Variants in ANKFN1 observed in about 807,000 individuals in gnomAD.
ANKFN1 encodes the protein ankyrin repeat and fibronectin type III domain containing 1, also known as ankyrin repeat and fibronectin type-III domain-containing protein 1.
ANKFN1 carries 74 observed loss-of-function variants against 108.7 expected under a neutral mutation model. That is an observed-to-expected ratio of 0.68 (90% CI 0.56 to 0.83). The LOEUF is 0.83. ANKFN1 is among the 40% of genes least tolerant of loss of function. The probability of loss-of-function intolerance (pLI) is 0.00; values close to 1 mark genes in which losing one functional copy is unlikely to be tolerated. For missense variants in ANKFN1, 1,505 were observed against 1,382.3 expected (o/e 1.09, Z -1.41); for synonymous variants, 547 against 516.2 (o/e 1.06, Z -0.81).
intron 3 of ANKFN1, among the ~76,000 whole-genome samples, chr17:56,240,931 A>G (rs752709934): frequency 5.9e-5 from 9 of 152,034 alleles, no homozygotes; most frequent in Non-Finnish European, 1.2e-4. Flanking sequence ...TGTATGTTAT[A>G]TGCAAATACA....
intron 19 of ANKFN1, among the ~76,000 whole-genome samples, chr17:56,495,897 T>C (rs1386243363): frequency 6.6e-6 from 1 of 152,150 alleles, no homozygotes; most frequent in African/African-American, 2.4e-5. Flanking sequence ...GAGAAAGGAA[T>C]ATAATTTACG....
At chr17:56,375,644 T>C (rs1034741061) in intron 8 of ANKFN1, among the ~76,000 whole-genome samples, 2 of 152,120 alleles carry the variant, frequency 1.3e-5, no homozygotes, top group African/African-American at 4.8e-5. Flanking sequence ...AGGAAATGAA[T>C]TATGAACCTA....
chr17:56,358,296 TAAC>T (rs1381610246), intron 6 of ANKFN1, among the ~76,000 whole-genome samples: 1 of 152,206 alleles, frequency 6.6e-6, no homozygotes, highest in Non-Finnish European at 1.5e-5. Context: ...CTCCATTTCT[TAAC>T]AGGAATCACC....
rs896667807 is a variant in ANKFN1 at position 56,404,563 on chromosome 17, C to T, written c.910+29849C>T. 4.6e-5 allele frequency among the ~76,000 whole-genome samples: 7 copies of T among 152,116 alleles called. 1 individual carries two copies. The South Asian group carries it at 1.0e-3, about 22-fold the overall frequency. ...TCCTTGAATATTTTTCCCTTCACTT[C>T]TTGTACCACCTTTTGGATTTTCTTG... On this transcript the variant is annotated intron_variant, in intron 8 of 20. Coordinates refer to ENST00000682825, the MANE Select transcript of ANKFN1 (RefSeq NM_001370326.1).
intron 20 of ANKFN1, among the ~76,000 whole-genome samples, chr17:56,505,639 T>C (rs750062635): frequency 6.6e-6 from 1 of 152,214 alleles, no homozygotes; most frequent in Non-Finnish European, 1.5e-5. Flanking sequence ...GGAAAATGGA[T>C]AATTTATAAT....
intron 8 of ANKFN1, among the ~76,000 whole-genome samples, chr17:56,384,547 G>A (rs561241824): frequency 1.2e-4 from 19 of 152,348 alleles, no homozygotes; most frequent in Admixed American, 1.2e-3. Flanking sequence ...GTCCCTGTTT[G>A]CAGATGACAT....
At chr17:56,407,274 G>T (rs1393999721) in intron 8 of ANKFN1, among the ~76,000 whole-genome samples, 12 of 152,176 alleles carry the variant, frequency 7.9e-5, no homozygotes, top group Admixed American at 6.5e-5. Flanking sequence ...TGACGTAGGA[G>T]TAGTAGCAGT....
chr17:56,385,213 A>G (rs1281058946), intron 8 of ANKFN1, among the ~76,000 whole-genome samples: 1 of 152,216 alleles, frequency 6.6e-6, no homozygotes, highest in Non-Finnish European at 1.5e-5. Flanking sequence ...AAAACAAGCA[A>G]TGGGGAAAGG....
chr17:56,269,579 G>T (rs999092450), intron 3 of ANKFN1, among the ~76,000 whole-genome samples: 1 of 152,176 alleles, frequency 6.6e-6, no homozygotes, highest in African/African-American at 2.4e-5. Context: ...GTCAGCTCTT[G>T]CCATCAAAAG....
intron 8 of ANKFN1, among the ~76,000 whole-genome samples, chr17:56,418,663 C>T (rs2048309340): frequency 6.6e-6 from 1 of 151,986 alleles, no homozygotes; most frequent in Non-Finnish European, 1.5e-5. Context: ...TCTTTTAAAA[C>T]TGAGGAAACT....
intron 18 of ANKFN1, among the ~76,000 whole-genome samples, chr17:56,489,170 A>T (rs957689398): frequency 6.6e-6 from 1 of 152,206 alleles, no homozygotes; most frequent in African/African-American, 2.4e-5. Flanking sequence ...ACCTTATGTT[A>T]GTCTGCCACT....
chr17:56,511,065 T>G lies in ANKFN1; in HGVS notation c.3237T>G (p.Ser1079Arg). ...GCCTTCCTGAGGAGCGGAACAGCAG[T>G]CTCCAGGACGCGAGGCCTTCCGTCC... ...AASLPEERNS[S>R]LQDARPSVRR... is the part of the protein sequence containing the mutation. The change falls in exon 21 of 21, where the codon AGT (serine) becomes AGG (arginine). Residue 1079 changes from serine to arginine, a missense_variant. Ser to Arg is a moderately radical substitution (Grantham distance 110). Coordinates refer to ENST00000682825, the MANE Select transcript of ANKFN1 (RefSeq NM_001370326.1). The G allele has an allele frequency of 6.5e-7, 1 of 1,535,980 alleles. No individual in the cohort carries two copies. The highest frequency in any genetic ancestry group is 2.0e-5 in the Admixed American group (1 of 51,014).
In ANKFN1 at chr17:56,510,893, G is replaced by C; in HGVS notation, c.3065G>C (p.Ser1022Thr). Reference protein sequence around the residue: ...SRHHRWLRIHSETQSLSLSEG... With the variant: ...SRHHRWLRIHTETQSLSLSEG... ...CATCATCGCTGGTTGCGCATCCACA[G>C]CGAGACCCAGTCGCTATCGCTCTCT... The change falls in exon 21 of 21, where the codon AGC (serine) becomes ACC (threonine). Residue 1022 changes from serine to threonine, a missense_variant. By Grantham distance (58) the Ser-to-Thr change is moderately conservative (BLOSUM62 1). Transcript: ENST00000682825. The C allele has an allele frequency of 6.5e-7, 1 of 1,536,182 alleles. No individual in the cohort carries two copies. The highest frequency in any genetic ancestry group is 2.4e-5 in the East Asian group (1 of 40,902).
intron 8 of ANKFN1, among the ~76,000 whole-genome samples, chr17:56,392,842 C>T (rs1321406769): frequency 1.3e-5 from 2 of 152,136 alleles, no homozygotes; most frequent in Non-Finnish European, 2.9e-5. Context: ...TTTCAGAAAA[C>T]TTTCTCTAAT....
At chr17:56,192,283 A>T (rs1913017944) in intron 1 of ANKFN1, among the ~76,000 whole-genome samples, 1 of 142,150 alleles carries the variant, frequency 7.0e-6, no homozygotes, top group African/African-American at 2.7e-5. Context: ...TGTTAGACCT[A>T]AAACCATAAA....
At chr17:56,440,236 T>C (rs916716541) in intron 8 of ANKFN1, 91 bp from the exon 9 acceptor site, 3 of 650,300 alleles carry the variant, frequency 4.6e-6, no homozygotes, top group Non-Finnish European at 7.8e-6. Flanking sequence ...TGAGAGGGAT[T>C]GTATGCTAGA....
chr17:56,475,200 T>A (rs1021109760), intron 15 of ANKFN1, among the ~76,000 whole-genome samples: 1 of 152,160 alleles, frequency 6.6e-6, no homozygotes, highest in Non-Finnish European at 1.5e-5. Flanking sequence ...AAGAAAAATA[T>A]AAGTACTCCT....
intron 4 of ANKFN1, among the ~76,000 whole-genome samples, chr17:56,130,314 G>A (rs35751840): frequency 6.6e-6 from 1 of 152,156 alleles, no homozygotes; most frequent in Non-Finnish European, 1.5e-5. Flanking sequence ...AGTGACTGTT[G>A]AAATTCATTG....
At chr17:56,237,797 T>A (rs1323466228) in intron 3 of ANKFN1, among the ~76,000 whole-genome samples, 3 of 152,104 alleles carry the variant, frequency 2.0e-5, no homozygotes, top group African/African-American at 7.2e-5. Flanking sequence ...CTGATTTTGG[T>A]TATTTCTTGT....
Sources: gnomAD v4.1 joint callset for allele counts (sites outside exome capture counted in the v4.1 genomes callset) on GRCh38, gnomAD v4.1.1 for gene constraint, MANE v1.5 for transcripts, NCBI Gene and HGNC (gene_info 2026-07-23, HGNC 2026-07-21) for gene names.